NRXN1: variants seen among roughly 807,000 people sequenced by gnomAD.
NRXN1 encodes the protein neurexin 1, also known as neurexin-1.
NRXN1 carries 39 observed loss-of-function variants against 150.9 expected under a neutral mutation model. That is an observed-to-expected ratio of 0.26 (90% confidence interval 0.20 to 0.34). The LOEUF (loss-of-function observed/expected upper bound fraction) is 0.34, where lower values mean the gene tolerates loss of function less well. Among genes scored for constraint, NRXN1 ranks in the 10% least tolerant of loss-of-function variants. The pLI is 1.00. For missense variants in NRXN1, 1,815 were observed against 1,949.9 expected, an observed-to-expected ratio of 0.93 and a Z score of 1.30; for synonymous variants, 924 against 757.0, an observed-to-expected ratio of 1.22 and a Z score of -3.62.
chr2:50,414,220 C>T (rs981685245), intron 17 of NRXN1, among the ~76,000 whole-genome samples: 3 of 151,996 alleles, frequency 2.0e-5, no homozygotes, highest in Non-Finnish European at 4.4e-5. Flanking sequence ...GTTTGTAGCT[C>T]AAAGGATAAA....
chr2:50,408,475 A>G (rs755788244), intron 17 of NRXN1, among the ~76,000 whole-genome samples: 2 of 152,224 alleles, frequency 1.3e-5, no homozygotes, highest in African/African-American at 2.4e-5. Context: ...TTGGTGGAAC[A>G]GTCTGGCTTT....
At chr2:50,352,525 G>A (rs920918411) in intron 17 of NRXN1, among the ~76,000 whole-genome samples, 1 of 151,672 alleles carries the variant, frequency 6.6e-6, no homozygotes, top group Non-Finnish European at 1.5e-5. Flanking sequence ...GAAGAGTGTC[G>A]GTCTTGCATT....
At chr2:50,536,268 C>A (rs1426654899) in intron 10 of NRXN1, among the ~76,000 whole-genome samples, 1 of 152,134 alleles carries the variant, frequency 6.6e-6, no homozygotes, top group Non-Finnish European at 1.5e-5. Flanking sequence ...AGTCCAGTAA[C>A]AAGAACCACC....
chr2:50,977,985 T>C (rs1008271536), intron 2 of NRXN1, among the ~76,000 whole-genome samples: 2 of 151,548 alleles, frequency 1.3e-5, no homozygotes, highest in Non-Finnish European at 3.0e-5. Flanking sequence ...TTATTCTCAG[T>C]ATTGCAGCAT....
At chr2:51,009,700 C>A (rs926068816) in intron 2 of NRXN1, among the ~76,000 whole-genome samples, 1 of 151,922 alleles carries the variant, frequency 6.6e-6, no homozygotes, top group Non-Finnish European at 1.5e-5. Flanking sequence ...TGATAATATA[C>A]CTTACTATGA....
At chr2:50,650,530 T>A (rs1685461919) in intron 5 of NRXN1, among the ~76,000 whole-genome samples, 1 of 152,034 alleles carries the variant, frequency 6.6e-6, no homozygotes. Flanking sequence ...GTATTTTACC[T>A]CAGTCTTTAA....
chr2:50,724,990 C>G (rs1321656117), intron 5 of NRXN1, among the ~76,000 whole-genome samples: 9 of 151,980 alleles, frequency 5.9e-5, no homozygotes, highest in Admixed American at 5.9e-4. Context: ...GAATAGTGAG[C>G]AAAAAAGTCA....
At chr2:50,765,416 C>T (rs965999066) in intron 5 of NRXN1, among the ~76,000 whole-genome samples, 1 of 152,038 alleles carries the variant, frequency 6.6e-6, no homozygotes, top group Non-Finnish European at 1.5e-5. Context: ...AAGATCACCA[C>T]CTACGTGTTT....
At chr2:50,191,760 T>C (rs2061459056) in intron 18 of NRXN1, among the ~76,000 whole-genome samples, 1 of 152,214 alleles carries the variant, frequency 6.6e-6, no homozygotes, top group African/African-American at 2.4e-5. Flanking sequence ...GTATCAATAG[T>C]TTATTCCTTT....
At chr2:50,079,265 C>T (rs1697564648) in intron 19 of NRXN1, among the ~76,000 whole-genome samples, 2 of 152,016 alleles carry the variant, frequency 1.3e-5, no homozygotes, top group African/African-American at 2.4e-5. Context: ...TCATGCTTCT[C>T]TCTCAGGGGT....
At chr2:50,985,130 T>C (rs978814044) in intron 2 of NRXN1, among the ~76,000 whole-genome samples, 3 of 151,836 alleles carry the variant, frequency 2.0e-5, no homozygotes, top group Non-Finnish European at 2.9e-5. Flanking sequence ...GGAAAAAAAA[T>C]GTGTGAAGTA....
Position 50,495,901 on chromosome 2 carries a change from T to A in NRXN1, c.3070+4A>T. 6.3e-7 allele frequency: 1 copy of A among 1,586,548 alleles called. No homozygotes were observed. ...CTCGTTGCTCTGACTTAACATGCAC[T>A]TACTCTTGAGGTCTAAGTTCCTGGC... On this transcript the variant is annotated splice_donor_region_variant and intron_variant, in intron 15 of 22. Transcript: ENST00000401669.
At chr2:51,014,880 C>T (rs1019719621) in intron 2 of NRXN1, among the ~76,000 whole-genome samples, 1 of 151,974 alleles carries the variant, frequency 6.6e-6, no homozygotes, top group Admixed American at 6.6e-5. Flanking sequence ...TAAGATTTTG[C>T]TATTGTTGTT....
Position 50,666,839 on chromosome 2 carries a change from A to AATGATG in NRXN1, c.833-43230_833-43225dup, listed in dbSNP as rs202154192. On this transcript the variant is annotated intron_variant, in intron 5 of 22. Transcript: ENST00000401669. ...AGTTCCAAGTTCCAGAGCATAAAAT[A>AATGATG]ATGATGATGATGATGATGATGATGA... Among the ~76,000 whole-genome samples, 12 of 144,898 alleles carry AATGATG rather than the reference A, an allele frequency of 8.3e-5. No homozygotes were observed. In the East Asian group the frequency reaches 1.5e-3, roughly 18 times the overall value.
chr2:50,441,614 C>G (rs2085961320), intron 17 of NRXN1, among the ~76,000 whole-genome samples: 1 of 152,078 alleles, frequency 6.6e-6, no homozygotes, highest in Admixed American at 6.6e-5. Flanking sequence ...TCCAAGACTC[C>G]TACTCCATAG....
At chr2:50,422,175 T>C (rs1234846050) in intron 17 of NRXN1, among the ~76,000 whole-genome samples, 3 of 152,192 alleles carry the variant, frequency 2.0e-5, no homozygotes, top group African/African-American at 4.8e-5. Flanking sequence ...TATTTAGTCA[T>C]ATCCAACTTT....
chr2:50,487,661 C>T (rs547131994), intron 15 of NRXN1, among the ~76,000 whole-genome samples: 17 of 152,256 alleles, frequency 1.1e-4, no homozygotes, highest in African/African-American at 4.1e-4. Context: ...TGTACAGTAC[C>T]CGGGATGGAA....
intron 17 of NRXN1, among the ~76,000 whole-genome samples, chr2:50,414,097 T>C (rs2083375127): frequency 6.6e-6 from 1 of 151,766 alleles, no homozygotes; most frequent in African/African-American, 2.4e-5. Flanking sequence ...TAATGGGTAC[T>C]AAAAATAGAA....
intron 5 of NRXN1, among the ~76,000 whole-genome samples, chr2:50,904,044 G>A (rs1683318445): frequency 6.6e-6 from 1 of 152,124 alleles, no homozygotes; most frequent in African/African-American, 2.4e-5. Flanking sequence ...AGGGCTCCAA[G>A]TCCTGCTCTT....
Sources: allele counts gnomAD v4.1 joint callset (sites outside exome capture counted in the v4.1 genomes callset), GRCh38; gene constraint gnomAD v4.1.1; transcripts MANE v1.5; gene names NCBI Gene and HGNC (gene_info 2026-07-23, HGNC 2026-07-21).